AK7: variants seen among roughly 807,000 people sequenced by gnomAD.
AK7 encodes the protein ATP-AMP transphosphorylase 7.
A neutral mutation model predicts 96.6 loss-of-function variants in AK7; 78 were observed. That is an observed-to-expected ratio of 0.81 (90% CI 0.67 to 0.97). AK7 has a LOEUF of 0.97. Among genes scored for constraint, AK7 ranks in the 50% least tolerant of loss-of-function variants. The pLI is 0.00. For synonymous variants in AK7, 302 were observed against 317.2 expected (o/e 0.95, Z 0.51); for missense variants, 855 against 887.9 (o/e 0.96, Z 0.47).
At chr14:96,468,609 T>G (rs1248207875) in intron 12 of AK7, among the ~76,000 whole-genome samples, 1 of 152,064 alleles carries the variant, frequency 6.6e-6, no homozygotes, top group African/African-American at 2.4e-5. Flanking sequence ...CACTCTTTCC[T>G]TTGTGAAATC....
chr14:96,459,731 G>A (rs1894149923), intron 12 of AK7, among the ~76,000 whole-genome samples: 1 of 151,776 alleles, frequency 6.6e-6, no homozygotes. Context: ...ACAAAAATTA[G>A]CCAGGCACGG....
In AK7 at chr14:96,396,472, T is replaced by C. The variant is rs187297447; in HGVS notation, c.106-1603T>C. Among the ~76,000 whole-genome samples, 279 of 152,328 alleles carry C rather than the reference T, an allele frequency of 1.8e-3. 9 individuals are homozygous for C. The South Asian group carries it at 0.045, about 25-fold the overall frequency. ...AGAGGATAATAAAATTGAATATGTA[T>C]GTTTGAGAGATAAATGAAATGAAAA... On this transcript the variant is annotated intron_variant, in intron 1 of 17. Coordinates refer to ENST00000267584, the MANE Select transcript of AK7 (RefSeq NM_152327.5).
chr14:96,448,630 TAAAA>T lies in AK7; in HGVS notation c.871-1141_871-1138del, dbSNP rs71103528. Among the ~76,000 whole-genome samples the T allele has an allele frequency of 2.0e-3, 152 of 74,822 alleles. No individual in the cohort carries two copies. The South Asian group carries it at 0.035, about 17-fold the overall frequency. The allele number at this position is 74,822 out of a possible 152,430, so 49.1% of individuals were successfully genotyped here. A position where few individuals can be genotyped will look rare whatever the true frequency, so the allele number is the denominator to read the frequency against. ...GGGCAATAGAACAAGACCCTATCTC[TAAAA>T]AAAAAAAAAAAAAAAAAAAAAAAAA... On this transcript the variant is annotated intron_variant, in intron 8 of 17. Coordinates refer to ENST00000267584, the MANE Select transcript of AK7 (RefSeq NM_152327.5).
chr14:96,464,393 C>CA (rs899772620), intron 12 of AK7, among the ~76,000 whole-genome samples: 41 of 150,668 alleles, frequency 2.7e-4, no homozygotes, highest in Non-Finnish European at 3.7e-4. Context: ...ACAAAAAATA[C>CA]AAAAAAAATA....
At chr14:96,471,688 A>G in intron 13 of AK7, 82 bp downstream of exon 13, 1 of 1,165,940 alleles carries the variant, frequency 8.6e-7, no homozygotes, top group Non-Finnish European at 1.1e-6. Flanking sequence ...CACTCAATTA[A>G]AGTAAACAGA....
intron 5 of AK7, among the ~76,000 whole-genome samples, chr14:96,432,202 C>CTTTTTTTTTT (rs71103525): frequency 2.0e-5 from 2 of 101,194 alleles, no homozygotes; most frequent in Non-Finnish European, 3.8e-5. Flanking sequence ...GCAACCCCTG[C>CTTTTTTTTTT]TTTTTTTTTT....
chr14:96,470,930 AC>A (rs1298112320), intron 12 of AK7, among the ~76,000 whole-genome samples: 1 of 152,174 alleles, frequency 6.6e-6, no homozygotes, highest in African/African-American at 2.4e-5. Context: ...GGATTACAGA[AC>A]ACTTTGAAAG....
intron 17 of AK7, chr14:96,487,903 CTTAT>C (rs1007333092): frequency 7.4e-5 from 21 of 285,438 alleles, no homozygotes; most frequent in Middle Eastern, 1.2e-3. Context: ...TGTACTTTTA[CTTAT>C]TTATTTATTT....
intron 5 of AK7, among the ~76,000 whole-genome samples, chr14:96,429,137 G>C (rs946821947): frequency 6.6e-6 from 1 of 151,774 alleles, no homozygotes; most frequent in Admixed American, 6.5e-5. Context: ...ATTAATTTTT[G>C]TATAAGGTGT....
chr14:96,462,762 TA>T (rs1321812621), intron 12 of AK7, among the ~76,000 whole-genome samples: 1 of 152,176 alleles, frequency 6.6e-6, no homozygotes, highest in African/African-American at 2.4e-5. Flanking sequence ...TGGGTCATTG[TA>T]AAATCTTGGC....
At chr14:96,410,783 G>A (rs965725900) in intron 4 of AK7, among the ~76,000 whole-genome samples, 2 of 152,074 alleles carry the variant, frequency 1.3e-5, no homozygotes, top group African/African-American at 4.8e-5. Context: ...CAGGAGGATT[G>A]CTTGAGCTCA....
intron 10 of AK7, among the ~76,000 whole-genome samples, chr14:96,454,236 G>A (rs73351115): frequency 0.051 from 7,828 of 152,150 alleles, 361 homozygotes; most frequent in African/African-American, 0.13. Flanking sequence ...CTCTACCAAT[G>A]CAAATCCTTT....
chr14:96,398,037 T>G (rs41317306), intron 1 of AK7, 38 bp from the exon 2 acceptor site: 36,449 of 1,594,786 alleles, frequency 0.023, 581 homozygotes, highest in Middle Eastern at 0.056. Context: ...TGACTCTAAT[T>G]TTCTCTTACC....
chr14:96,398,979 T>G (rs566330247), intron 2 of AK7: 1 of 151,896 alleles, frequency 6.6e-6, no homozygotes, highest in Non-Finnish European at 1.5e-5. Context: ...CTTCTCTCTT[T>G]TTTTTTTTAT....
chr14:96,457,931 A>T, intron 11 of AK7, 152 bp from the exon 12 acceptor site: 1 of 902,612 alleles, frequency 1.1e-6, no homozygotes, highest in Non-Finnish European at 1.7e-6. Flanking sequence ...CTTTGTGGAT[A>T]TGTGCATCCT....
intron 4 of AK7, among the ~76,000 whole-genome samples, chr14:96,409,159 T>C (rs1890895620): frequency 6.6e-6 from 1 of 152,220 alleles, no homozygotes; most frequent in East Asian, 1.9e-4. Context: ...ATGCTGCCTA[T>C]GAAACTATAG....
At chr14:96,471,370 C>A in intron 12 of AK7, 108 bp from the exon 13 acceptor site, 3 of 504,870 alleles carry the variant, frequency 5.9e-6, no homozygotes, top group Admixed American at 4.2e-5. Context: ...ATAGGGATTT[C>A]CAATAGTACC....
At chr14:96,459,651 G>A (rs968699086) in intron 12 of AK7, among the ~76,000 whole-genome samples, 1 of 151,988 alleles carries the variant, frequency 6.6e-6, no homozygotes, top group East Asian at 1.9e-4. Context: ...TGATCTAGGA[G>A]GGTGGATCAC....
intron 8 of AK7, among the ~76,000 whole-genome samples, chr14:96,448,547 T>C (rs1893377822): frequency 6.7e-6 from 1 of 148,970 alleles, no homozygotes; most frequent in Non-Finnish European, 1.5e-5. Context: ...CGAGGATTGC[T>C]TGAACCCAGG....
Sources: gnomAD v4.1 joint callset for allele counts (sites outside exome capture counted in the v4.1 genomes callset) on GRCh38, gnomAD v4.1.1 for gene constraint, MANE v1.5 for transcripts, NCBI Gene and HGNC (gene_info 2026-07-23, HGNC 2026-07-21) for gene names.